The following ANKRD17 variants were observed in gnomAD, a reference collection of about 807,000 sequenced individuals.
The protein encoded by ANKRD17 is ankyrin repeat domain 17, also known as ankyrin repeat domain-containing protein 17.
A neutral mutation model predicts 229.7 loss-of-function variants in ANKRD17; 19 were observed. The ratio of observed to expected loss-of-function variants is 0.08; its 90% CI spans 0.06 to 0.12. The LOEUF (loss-of-function observed/expected upper bound fraction) is 0.12, where lower values mean the gene tolerates loss of function less well. Ranked by LOEUF, ANKRD17 falls within the 10% of genes least tolerant of loss-of-function variation. ANKRD17 has a pLI of 1.00. For synonymous variants in ANKRD17, 1,112 were observed against 1,146.1 expected, an observed-to-expected ratio of 0.97 and a Z score of 0.60; for missense variants, 2,176 against 3,176.8, an observed-to-expected ratio of 0.68 and a Z score of 7.57.
At chr4:73,112,611 C>T in intron 24 of ANKRD17, 1 of 524,464 alleles carries the variant, frequency 1.9e-6, no homozygotes, top group Non-Finnish European at 2.4e-6. Flanking sequence ...GAATAAAGTA[C>T]TTCAAATGAT....
intron 1 of ANKRD17, among the ~76,000 whole-genome samples, chr4:73,229,592 C>T (rs2149236113): frequency 6.6e-6 from 1 of 150,468 alleles, no homozygotes; most frequent in East Asian, 1.9e-4. Flanking sequence ...AAATTAAGAA[C>T]TTCAATTGAT....
At chr4:73,144,269 A>G (rs1037410116) in intron 11 of ANKRD17, among the ~76,000 whole-genome samples, 8 of 152,152 alleles carry the variant, frequency 5.3e-5, no homozygotes, top group African/African-American at 1.9e-4. Flanking sequence ...TCCTCATGCA[A>G]TTTGCTATAT....
chr4:73,255,314 T>C lies in ANKRD17; in HGVS notation c.393+2962A>G, dbSNP rs578071961. Among the ~76,000 whole-genome samples the C allele has an allele frequency of 3.2e-4, 49 of 152,352 alleles. No individual in the cohort carries two copies. The South Asian group carries it at 0.01, about 32-fold the overall frequency. ...ATACAGAGATTATTCAGATAGCATT[T>C]CTTTATAGCAAAGCTATGTATTTTT... On this transcript the variant is annotated intron_variant, in intron 1 of 33. Coordinates refer to ENST00000358602, the MANE Select transcript of ANKRD17 (RefSeq NM_032217.5).
rs537879846 is a variant in ANKRD17 at position 73,176,253 on chromosome 4, C to T, written c.547+1127G>A. On this transcript the variant is annotated intron_variant, in intron 2 of 33. Coordinates refer to ENST00000358602, the MANE Select transcript of ANKRD17 (RefSeq NM_032217.5). ...AACGCAAATCAAAACTATAATGAGA[C>T]ATCATTTCACACCAGTTAAAATGAC... is the stretch of plus-strand genomic sequence containing the variant. Among the ~76,000 whole-genome samples the T allele has an allele frequency of 6.0e-4, 92 of 152,220 alleles. 1 individual carries two copies. The South Asian group carries it at 0.016, about 26-fold the overall frequency.
chr4:73,178,261 T>TG (rs1392013862), intron 1 of ANKRD17, among the ~76,000 whole-genome samples: 7 of 152,226 alleles, frequency 4.6e-5, no homozygotes, highest in Middle Eastern at 3.4e-3. Flanking sequence ...TGACATTTCA[T>TG]GGGGGAAAAA....
chr4:73,187,199 A>T (rs1560683360), intron 1 of ANKRD17, among the ~76,000 whole-genome samples: 1 of 152,150 alleles, frequency 6.6e-6, no homozygotes, highest in Non-Finnish European at 1.5e-5. Flanking sequence ...GTATAATGAA[A>T]TTTTTTTAGG....
rs541158527 is a variant in ANKRD17 at position 73,085,998 on chromosome 4, C to CA, written c.6962-553dup. ...AGAGTGAGACCCTGTCTCACACACA[C>CA]AAAAAACTAAACTATGTAGATAATT... On this transcript the variant is annotated intron_variant, in intron 29 of 33. Transcript: ENST00000358602. Among the ~76,000 whole-genome samples, 292 of 151,840 alleles carry CA rather than the reference C, an allele frequency of 1.9e-3. 2 individuals carry two copies. Among genetic ancestry groups the CA allele is most frequent in the African/African-American group, 6.8e-3 (280 of 41,410 alleles).
chr4:73,092,189 T>C lies in ANKRD17; in HGVS notation c.5439A>G (p.Ser1813=), dbSNP rs776491301. The part of the protein sequence containing the change: ...LIPKNRLKSS[S]ANSKIGSSAP... ...CTGATGACCCTATTTTGGAATTTGC[T>C]GAGGAGCTTTTCAAACGATTCTTTG... Residue 1813 remains serine, a synonymous_variant, in exon 29 of 34, where the codon TCA becomes TCG. Coordinates refer to ENST00000358602, the MANE Select transcript of ANKRD17 (RefSeq NM_032217.5). The C allele has an allele frequency of 5.0e-6, 8 of 1,614,082 alleles. No individual in the cohort carries two copies. Among genetic ancestry groups the C allele is most frequent in the Non-Finnish European group, 6.8e-6 (8 of 1,180,038 alleles).
chr4:73,099,790 G>T (rs1453780730), intron 25 of ANKRD17, among the ~76,000 whole-genome samples: 1 of 152,184 alleles, frequency 6.6e-6, no homozygotes, highest in East Asian at 1.9e-4. Context: ...GGCAGGAGGG[G>T]TGTGAGCCTC....
At chr4:73,144,087 T>C (rs990226970) in intron 11 of ANKRD17, among the ~76,000 whole-genome samples, 2 of 152,176 alleles carry the variant, frequency 1.3e-5, no homozygotes, top group Non-Finnish European at 1.5e-5. Context: ...ATCTGTAATC[T>C]CTTATACTTA....
chr4:73,189,461 A>G (rs1736755690), intron 1 of ANKRD17, among the ~76,000 whole-genome samples: 1 of 118,494 alleles, frequency 8.4e-6, no homozygotes, highest in African/African-American at 3.3e-5. Flanking sequence ...CAGTGGCGCC[A>G]TCTTGGTTCA....
At position 73,091,480 on chromosome 4, in the gene ANKRD17, C is replaced by A; in HGVS notation, c.6148G>T (p.Ala2050Ser). Reference sequence around the variant, plus strand: ...TTTCTAGAAACCCCTCCTGGCTGGGCTGGTGGTGATGGGGAAGATGGGGAT... The same window carrying A: ...TTTCTAGAAACCCCTCCTGGCTGGGATGGTGGTGATGGGGAAGATGGGGAT... The part of the protein sequence containing the change: ...VSSPSSPSPP[A>S]QPGGVSRNSP... Residue 2050 changes from alanine to serine, a missense_variant, in exon 29 of 34, where the codon GCC becomes TCC. This residue lies in a region of ANKRD17 where 424 missense variants were observed against 454.0 expected (regional missense o/e 0.93). Coordinates refer to ENST00000358602, the MANE Select transcript of ANKRD17 (RefSeq NM_032217.5). 1 of 1,614,048 alleles carries A rather than the reference C, an allele frequency of 6.2e-7. No homozygotes were observed. Among genetic ancestry groups the A allele is most frequent in the Non-Finnish European group, 8.5e-7 (1 of 1,179,990 alleles).
intron 24 of ANKRD17, among the ~76,000 whole-genome samples, chr4:73,111,374 T>C (rs1323792908): frequency 6.6e-6 from 1 of 152,164 alleles, no homozygotes; most frequent in Non-Finnish European, 1.5e-5. Flanking sequence ...ACTAAGTGGA[T>C]ACACCAGACA....
chr4:73,202,666 T>G (rs1738835306), intron 1 of ANKRD17, among the ~76,000 whole-genome samples: 1 of 152,146 alleles, frequency 6.6e-6, no homozygotes, highest in Admixed American at 6.5e-5. Flanking sequence ...AAAACAAGCC[T>G]TAAAAGGATA....
At chr4:73,257,702 T>C (rs1453339516) in intron 1 of ANKRD17, among the ~76,000 whole-genome samples, 3 of 152,168 alleles carry the variant, frequency 2.0e-5, no homozygotes, top group African/African-American at 7.2e-5. Context: ...GCAGCCAGGA[T>C]AGTTACGAAA....
chr4:73,137,217 G>C (rs1318052922), intron 15 of ANKRD17, among the ~76,000 whole-genome samples: 1 of 152,074 alleles, frequency 6.6e-6, no homozygotes, highest in Non-Finnish European at 1.5e-5. Context: ...CTTCATTTTA[G>C]TGTTAGATTT....
At chr4:73,159,365 T>C (rs1210072563) in intron 3 of ANKRD17, among the ~76,000 whole-genome samples, 1 of 152,244 alleles carries the variant, frequency 6.6e-6, no homozygotes, top group African/African-American at 2.4e-5. Context: ...ATTTGAATTT[T>C]TCATTCAATT....
intron 18 of ANKRD17, among the ~76,000 whole-genome samples, chr4:73,122,993 ATACT>A (rs1376024374): frequency 6.6e-6 from 1 of 152,058 alleles, no homozygotes; most frequent in Non-Finnish European, 1.5e-5. Context: ...TCACTTCAAA[ATACT>A]TACCTCTTCT....
rs772402734 is a variant in ANKRD17 at position 73,091,343 on chromosome 4, G to A, written c.6285C>T (p.Ser2095=). 1 of 1,614,000 alleles carries A rather than the reference G, an allele frequency of 6.2e-7. No individual in the cohort carries two copies. Among genetic ancestry groups the A allele is most frequent in the Non-Finnish European group, 8.5e-7 (1 of 1,180,044 alleles). The change falls in exon 29 of 34, where the codon AGC becomes AGT. Residue 2095 remains serine, a synonymous_variant. Transcript: ENST00000358602. The stretch of plus-strand genomic sequence containing the variant: ...CTGATGAACTCCCAGAAGAACTGCT[G>A]CTGTTTGGAGGTCTAGTGTTTGTTG... ...VETTNTRPPN[S]SSSSGSSSAH... is the part of the protein sequence containing the mutation.
Sources: gnomAD v4.1 joint callset for allele counts (sites outside exome capture counted in the v4.1 genomes callset) on GRCh38, gnomAD v4.1.1 for gene constraint, gnomAD v4.1.1 regional missense constraint, MANE v1.5 for transcripts, NCBI Gene and HGNC (gene_info 2026-07-23, HGNC 2026-07-21) for gene names.